Variants in AMZ1 observed in about 807,000 individuals in gnomAD.
The protein encoded by AMZ1 is archaemetzincin-1.
In AMZ1, 39 loss-of-function variants were observed where a neutral mutation model predicts 29.9. That is an observed-to-expected ratio of 1.30 (90% CI 1.01 to 1.70). AMZ1 has a LOEUF of 1.70. AMZ1 is among the 40% of genes most tolerant of loss of function. The pLI, the probability that AMZ1 is intolerant of heterozygous loss-of-function variation, is 0.00. For synonymous variants in AMZ1, 458 were observed against 304.0 expected, an observed-to-expected ratio of 1.51 and a Z score of -5.27; for missense variants, 1,041 against 680.6, an observed-to-expected ratio of 1.53 and a Z score of -5.89.
At chr7:2,760,329 T>C (rs543828774), upstream of AMZ1, 4 of 152,442 alleles carry the variant, frequency 2.6e-5, no homozygotes, top group East Asian at 3.9e-4. Flanking sequence ...CTCGACTCAA[T>C]AGAATGCCTT....
In AMZ1 at chr7:2,757,598, G is replaced by A. The variant is rs575643510; in HGVS notation, n.551-7114G>A. On this transcript the variant is annotated intron_variant and non_coding_transcript_variant, in intron 4 of 4. Coordinates refer to the AMZ1 transcript ENST00000489665. Reference sequence around the variant, plus strand: ...CGAGGTTCCGAGCAGAGCACGTGGCGAACTCTGGATGCCCAGGCTGCTGAC... The same window carrying A: ...CGAGGTTCCGAGCAGAGCACGTGGCAAACTCTGGATGCCCAGGCTGCTGAC... Among the ~76,000 whole-genome samples, 47 of 152,312 alleles carry A rather than the reference G, an allele frequency of 3.1e-4. No homozygotes were observed. The Middle Eastern group carries it at 0.01, about 33-fold the overall frequency.
intron 4 of AMZ1, among the ~76,000 whole-genome samples, chr7:2,745,318 C>G (rs1379815319): frequency 6.6e-6 from 1 of 152,244 alleles, no homozygotes; most frequent in Non-Finnish European, 1.5e-5. Context: ...AACAGCTGAT[C>G]TCTTGGCAGA....
upstream of AMZ1, among the ~76,000 whole-genome samples, chr7:2,686,106 C>A (rs987522374): frequency 6.6e-6 from 1 of 152,118 alleles, no homozygotes; most frequent in African/African-American, 2.4e-5. Context: ...CCAAAATATC[C>A]CAAAGCAGGT....
rs1000448350 is a variant in AMZ1, at chr7:2,718,278, TTC to T, written c.*5407_*5408del. Among the ~76,000 whole-genome samples the T allele has an allele frequency of 3.9e-5, 6 of 152,320 alleles. No individual in the cohort carries two copies. Among genetic ancestry groups the T allele is most frequent in the African/African-American group, 1.4e-4 (6 of 41,566 alleles). ...CCTGACTGTGGGCCCAGTGTCCATT[TTC>T]TCTCTCAGGCAGGGTGCTCTGCCCG... On this transcript the variant is annotated 3_prime_UTR_variant, in exon 7 of 7. Transcript: ENST00000683327.
At position 2,700,514 on chromosome 7, in the gene AMZ1, G is replaced by C; in HGVS notation, c.63G>C (p.Leu21=). 3 of 1,607,186 alleles carry C rather than the reference G, an allele frequency of 1.9e-6. No homozygotes were observed. The highest frequency in any genetic ancestry group is 2.5e-6 in the Non-Finnish European group (3 of 1,179,890). Residue 21 remains leucine, a synonymous_variant, in exon 2 of 7, where the codon CTG becomes CTC. Coordinates refer to ENST00000683327, the MANE Select transcript of AMZ1 (RefSeq NM_001384743.1). ...SFGPRALKDA[L]VSTDAALQQL... ...GGCCCCGGGCCTTGAAGGACGCTCT[G>C]GTCTCCACTGACGCAGCCCTGCAGC...
chr7:2,696,084 C>T lies in AMZ1; in HGVS notation c.-218-4150C>T, dbSNP rs533464633. ...AAAATCTGTGTGTTCCAACCCCCCT[C>T]GCCCCGCCCCCCACAACCTCTGATT... On this transcript the variant is annotated intron_variant, in intron 1 of 6. Transcript: ENST00000683327. 1.5e-4 allele frequency among the ~76,000 whole-genome samples: 22 copies of T among 151,684 alleles called. 1 individual carries two copies. In the South Asian group the frequency reaches 2.7e-3, roughly 19 times the overall value.
intron 4 of AMZ1, chr7:2,733,567 G>T: frequency 2.4e-6 from 3 of 1,262,246 alleles, no homozygotes; most frequent in South Asian, 2.5e-5. Context: ...GCAAATACAA[G>T]AACTGAACAG....
chr7:2,752,219 A>G (rs1334361785), intron 4 of AMZ1, among the ~76,000 whole-genome samples: 1 of 152,244 alleles, frequency 6.6e-6, no homozygotes, highest in Non-Finnish European at 1.5e-5. Context: ...AAAGCATGTG[A>G]AAAAATTCAA....
Position 2,732,413 on chromosome 7 carries a change from G to A in AMZ1, n.550+22597G>A, listed in dbSNP as rs567143053. Reference sequence around the variant, plus strand: ...AGTAAAAACATTAGCTGGGCGTGGTGCCTCATGCTATAGTCCCAGCTACTT... The same window carrying A: ...AGTAAAAACATTAGCTGGGCGTGGTACCTCATGCTATAGTCCCAGCTACTT... On this transcript the variant is annotated intron_variant and non_coding_transcript_variant, in intron 4 of 4. Transcript: ENST00000489665. Among the ~76,000 whole-genome samples the A allele has an allele frequency of 1.7e-3, 264 of 152,282 alleles. 1 individual carries two copies. The highest frequency in any genetic ancestry group is 3.4e-3 in the Admixed American group (52 of 15,282).
At chr7:2,688,178 G>C (rs1454562707), upstream of AMZ1, 1 of 152,364 alleles carries the variant, frequency 6.6e-6, no homozygotes, top group African/African-American at 2.4e-5. Context: ...CCTGCCCCGC[G>C]CGCCGACGTC....
intron 1 of AMZ1, among the ~76,000 whole-genome samples, chr7:2,693,318 C>T (rs996928857): frequency 2.6e-5 from 4 of 151,946 alleles, no homozygotes; most frequent in Admixed American, 6.6e-5. Context: ...GAACTCCTGA[C>T]CTCAGGTGAT....
chr7:2,696,013 GAA>G (rs35492098), intron 1 of AMZ1, among the ~76,000 whole-genome samples: 105 of 107,186 alleles, frequency 9.8e-4, no homozygotes, highest in African/African-American at 2.2e-3. Context: ...TCTTGGGGGG[GAA>G]AAAAAAAAAA....
intron 4 of AMZ1, among the ~76,000 whole-genome samples, chr7:2,749,309 C>T (rs1790912569): frequency 1.3e-5 from 2 of 152,204 alleles, no homozygotes; most frequent in Non-Finnish European, 2.9e-5. Context: ...GCCACATATA[C>T]ACCATGGAAT....
intron 1 of AMZ1, among the ~76,000 whole-genome samples, chr7:2,695,165 C>T (rs990299846): frequency 3.3e-5 from 5 of 152,164 alleles, no homozygotes; most frequent in Non-Finnish European, 7.3e-5. Flanking sequence ...CTTTCCATGG[C>T]CACAGGATCT....
downstream of AMZ1, among the ~76,000 whole-genome samples, chr7:2,720,517 T>G (rs760586660): frequency 6.6e-6 from 1 of 151,894 alleles, no homozygotes; most frequent in Non-Finnish European, 1.5e-5. Flanking sequence ...GATTCTCCTG[T>G]CTCAGCCTCC....
chr7:2,752,246 A>G (rs1334835434), intron 4 of AMZ1, among the ~76,000 whole-genome samples: 2 of 151,252 alleles, frequency 1.3e-5, no homozygotes, highest in East Asian at 3.9e-4. Flanking sequence ...CTCAGGGCTT[A>G]AAAAAAAAGT....
At chr7:2,708,816 C>A (rs899444539) in intron 4 of AMZ1, 100 bp downstream of exon 4, 1 of 1,562,754 alleles carries the variant, frequency 6.4e-7, no homozygotes, top group South Asian at 1.1e-5. Flanking sequence ...CTTCAAGCAC[C>A]CTCCTGGTGG....
chr7:2,689,055 C>T (rs991490978), intron 1 of AMZ1, among the ~76,000 whole-genome samples: 13 of 152,214 alleles, frequency 8.5e-5, no homozygotes, highest in African/African-American at 2.9e-4. Context: ...GCGGTCTAAG[C>T]CCCCGGTTTT....
downstream of AMZ1, among the ~76,000 whole-genome samples, chr7:2,720,862 G>C (rs982005432): frequency 6.6e-6 from 1 of 151,990 alleles, no homozygotes; most frequent in Non-Finnish European, 1.5e-5. Context: ...GTTTTTGGTA[G>C]AGACAGGGTT....
Sources: gnomAD v4.1 joint callset for allele counts (sites outside exome capture counted in the v4.1 genomes callset) on GRCh38, gnomAD v4.1.1 for gene constraint, MANE v1.5 for transcripts, NCBI Gene and HGNC (gene_info 2026-07-23, HGNC 2026-07-21) for gene names.